The following CALN1 variants were observed in gnomAD, a reference collection of about 807,000 sequenced individuals.
CALN1 encodes calneuron 1.
A neutral mutation model predicts 30.6 loss-of-function variants in CALN1; 17 were observed. That is an observed-to-expected ratio of 0.56 (90% CI 0.38 to 0.83). CALN1 has a LOEUF of 0.83. CALN1 is among the 40% of genes least tolerant of loss of function. The pLI is 0.00. For synonymous variants in CALN1, 156 were observed against 131.4 expected, an observed-to-expected ratio of 1.19 and a Z score of -1.28; for missense variants, 291 against 354.9, an observed-to-expected ratio of 0.82 and a Z score of 1.45.
intron 3 of CALN1, among the ~76,000 whole-genome samples, chr7:72,181,591 C>T (rs1789812728): frequency 6.6e-6 from 1 of 151,992 alleles, no homozygotes; most frequent in African/African-American, 2.4e-5. Context: ...GATTCTCCTC[C>T]CTCAGCCTCC....
At chr7:71,964,225 C>G (rs1182243264) in intron 5 of CALN1, among the ~76,000 whole-genome samples, 1 of 152,178 alleles carries the variant, frequency 6.6e-6, no homozygotes. Context: ...TCTTTGCTGC[C>G]CTGCTGCTCA....
the CALN1 span, among the ~76,000 whole-genome samples, chr7:72,471,118 T>C: frequency 6.6e-5 from 10 of 152,158 alleles, no homozygotes; most frequent in Non-Finnish European, 1.5e-4. Flanking sequence ...CCACACTGGC[T>C]AATATTTTTA....
At chr7:72,431,845 CA>C (rs1168420802) in intron 1 of CALN1, among the ~76,000 whole-genome samples, 159 of 100,820 alleles carry the variant, frequency 1.6e-3, no homozygotes, top group South Asian at 5.6e-3. Context: ...ACCTCATCTC[CA>C]AAAAAAAAAA....
At chr7:71,948,663 A>G (rs6957813) in intron 5 of CALN1, among the ~76,000 whole-genome samples, 25,143 of 150,384 alleles carry the variant, frequency 0.17, 2,350 homozygotes, top group Non-Finnish European at 0.23. Flanking sequence ...CACAGGAGGT[A>G]GAGATTGCAG....
intron 5 of CALN1, among the ~76,000 whole-genome samples, chr7:71,944,620 AAG>A (rs1002009867): frequency 1.3e-5 from 2 of 150,996 alleles, no homozygotes; most frequent in African/African-American, 4.9e-5. Context: ...AAAAAAAAGA[AAG>A]AAAACATTTC....
At chr7:72,478,874 A>G in the CALN1 span, among the ~76,000 whole-genome samples, 8 of 123,270 alleles carry the variant, frequency 6.5e-5, no homozygotes, top group Admixed American at 9.9e-5. Context: ...TTTGCCATGC[A>G]TACGAACCAC....
intron 1 of CALN1, among the ~76,000 whole-genome samples, chr7:72,420,621 C>CT (rs1162542514): frequency 0.068 from 8,905 of 131,290 alleles, 796 homozygotes; most frequent in East Asian, 0.24. Flanking sequence ...CTGGATGCAT[C>CT]TTTTTTTTTT....
intron 3 of CALN1, among the ~76,000 whole-genome samples, chr7:72,194,548 A>AAACAG (rs1381417962): frequency 6.6e-6 from 1 of 151,602 alleles, no homozygotes; most frequent in African/African-American, 2.4e-5. Context: ...ACAAAAACAG[A>AAACAG]AACAGAAACA....
chr7:71,935,019 G>C (rs116642787), intron 5 of CALN1, among the ~76,000 whole-genome samples: 1 of 152,148 alleles, frequency 6.6e-6, no homozygotes, highest in Non-Finnish European at 1.5e-5. Context: ...TGGAAATTAT[G>C]GGAGCTATAA....
At chr7:72,121,760 T>C (rs1330911774) in intron 3 of CALN1, among the ~76,000 whole-genome samples, 1 of 148,540 alleles carries the variant, frequency 6.7e-6, no homozygotes, top group Admixed American at 6.8e-5. Context: ...AAAGGTTTTA[T>C]CATAATGATT....
At chr7:72,004,742 A>G (rs374084042) in intron 5 of CALN1, among the ~76,000 whole-genome samples, 1 of 152,182 alleles carries the variant, frequency 6.6e-6, no homozygotes, top group African/African-American at 2.4e-5. Flanking sequence ...TGCAAACAAC[A>G]TATCTGGCCA....
At chr7:72,425,115 T>C (rs1360084193) in intron 1 of CALN1, among the ~76,000 whole-genome samples, 2 of 152,052 alleles carry the variant, frequency 1.3e-5, no homozygotes, top group Admixed American at 1.3e-4. Context: ...TTTGCAGGGC[T>C]GGGGGGTTGT....
chr7:72,388,134 G>C (rs984226201), intron 2 of CALN1, among the ~76,000 whole-genome samples: 1 of 152,070 alleles, frequency 6.6e-6, no homozygotes, highest in Non-Finnish European at 1.5e-5. Context: ...TTCCAACAAA[G>C]AAATGATAAA....
In CALN1 at chr7:71,974,796, C is replaced by T. The variant is rs369223984; in HGVS notation, c.501+48861G>A. On this transcript the variant is annotated intron_variant, in intron 5 of 6. Transcript: ENST00000395275. ...CTTTCTGGCACTCTGGGAAGGAAGA[C>T]GGTCACCACCTGGCCTACGGCTCTG... 1.6e-4 allele frequency among the ~76,000 whole-genome samples: 24 copies of T among 152,286 alleles called. No individual in the cohort carries two copies. In the East Asian group the frequency reaches 2.5e-3, roughly 16 times the overall value.
chr7:72,149,683 G>C (rs1369088563), intron 3 of CALN1, among the ~76,000 whole-genome samples: 1 of 151,928 alleles, frequency 6.6e-6, no homozygotes, highest in Non-Finnish European at 1.5e-5. Flanking sequence ...AGGCAGATTT[G>C]AGATTTGTTC....
chr7:72,308,015 C>G (rs939129427), intron 2 of CALN1, among the ~76,000 whole-genome samples: 1 of 152,128 alleles, frequency 6.6e-6, no homozygotes, highest in Non-Finnish European at 1.5e-5. Flanking sequence ...AAATCTGCTA[C>G]AAGAAATCAG....
chr7:72,247,556 CA>C (rs2129551804), intron 3 of CALN1, among the ~76,000 whole-genome samples: 1 of 152,218 alleles, frequency 6.6e-6, no homozygotes, highest in South Asian at 2.1e-4. Flanking sequence ...TGCCCGCCCT[CA>C]ACAGGCCATT....
intron 4 of CALN1, among the ~76,000 whole-genome samples, chr7:72,031,734 A>AGTTTTTTTTTTTTTTTTTTTTTTT: frequency 8.7e-6 from 1 of 114,684 alleles, no homozygotes; most frequent in Non-Finnish European, 1.8e-5. Flanking sequence ...CGCCTGGCTA[A>AGTTTTTTTTTTTTTTTTTTTTTTT]TTTTTTTTTT....
chr7:72,408,305 G>A (rs917833903), intron 1 of CALN1, among the ~76,000 whole-genome samples: 1 of 151,576 alleles, frequency 6.6e-6, no homozygotes, highest in Non-Finnish European at 1.5e-5. Flanking sequence ...GTAGTGCGTG[G>A]TGGCTCACGC....
Sources: gnomAD v4.1 joint callset for allele counts (sites outside exome capture counted in the v4.1 genomes callset) on GRCh38, gnomAD v4.1.1 for gene constraint, MANE v1.5 for transcripts, NCBI Gene and HGNC (gene_info 2026-07-23, HGNC 2026-07-21) for gene names.